The following EML6 variants were observed in gnomAD, a reference collection of about 807,000 sequenced individuals.
The protein encoded by EML6 is EMAP like 6.
In EML6, 154 loss-of-function variants were observed where a neutral mutation model predicts 240.1. The ratio of observed to expected loss-of-function variants is 0.64; its 90% confidence interval spans 0.56 to 0.73. The LOEUF is 0.73. EML6 is among the 30% of genes least tolerant of loss of function. The pLI is 0.00. For synonymous variants in EML6, 1,148 were observed against 899.0 expected, an observed-to-expected ratio of 1.28 and a Z score of -4.95; for missense variants, 2,964 against 2,474.6, an observed-to-expected ratio of 1.20 and a Z score of -4.20.
At position 54,928,514 on chromosome 2, in the gene EML6, G is replaced by A. The variant is rs1343629017; in HGVS notation, c.3877G>A (p.Gly1293Ser). The change falls in exon 27 of 42, where the codon GGC (glycine) becomes AGC (serine). Residue 1293 changes from glycine to serine, a missense_variant and splice_region_variant. Physicochemically the swap from Gly to Ser is moderately conservative, Grantham distance 56 (BLOSUM62 0). Transcript: ENST00000356458. The stretch of plus-strand genomic sequence containing the variant: ...AGACACCGACGTGGAAGAGGATGGA[G>A]GTGAGCCCCCCACCTGCCACATGCC... Reference protein sequence around the residue: ...ESDTDVEEDGGYDSDVAREKA... With the variant: ...ESDTDVEEDGSYDSDVAREKA... 1 of 1,544,636 alleles carries A rather than the reference G, an allele frequency of 6.5e-7. No individual in the cohort carries two copies. Among genetic ancestry groups the A allele is most frequent in the Non-Finnish European group, 8.8e-7 (1 of 1,142,490 alleles).
chr2:54,776,883 T>A (rs995373347), intron 2 of EML6, among the ~76,000 whole-genome samples: 1 of 152,220 alleles, frequency 6.6e-6, no homozygotes, highest in Non-Finnish European at 1.5e-5. Context: ...AGTTTATGGC[T>A]TAATGCATCT....
intron 2 of EML6, among the ~76,000 whole-genome samples, chr2:54,732,560 C>T (rs1022633198): frequency 6.6e-6 from 1 of 152,122 alleles, no homozygotes; most frequent in Non-Finnish European, 1.5e-5. Context: ...TACTTTTTCT[C>T]CATGAAATTA....
At chr2:54,824,756 G>C (rs1655528693) in intron 5 of EML6, among the ~76,000 whole-genome samples, 1 of 152,178 alleles carries the variant, frequency 6.6e-6, no homozygotes, top group South Asian at 2.1e-4. Flanking sequence ...GTCAGAGACA[G>C]AAGGGACTTC....
At chr2:54,875,867 A>G (rs540639920) in intron 16 of EML6, among the ~76,000 whole-genome samples, 3 of 152,354 alleles carry the variant, frequency 2.0e-5, no homozygotes, top group South Asian at 4.1e-4. Flanking sequence ...TTTCTAGCCT[A>G]AATATCAACC....
intron 36 of EML6, 138 bp from the exon 37 acceptor site, chr2:54,963,848 T>G: frequency 1.4e-6 from 1 of 719,682 alleles, no homozygotes; most frequent in Non-Finnish European, 2.2e-6. Flanking sequence ...CAGGGACATT[T>G]ACTCTAAGAA....
chr2:54,808,367 A>G (rs558549614), intron 2 of EML6, among the ~76,000 whole-genome samples: 2 of 152,134 alleles, frequency 1.3e-5, no homozygotes, highest in Non-Finnish European at 2.9e-5. Flanking sequence ...TCCCCCTTCA[A>G]TCCCCAAAGC....
At position 54,950,915 on chromosome 2, in the gene EML6, G is replaced by A. The variant is rs949085925; in HGVS notation, c.4213+136G>A. 10 of 950,968 alleles carry A rather than the reference G, an allele frequency of 1.1e-5. No homozygotes were observed. The South Asian group carries it at 1.7e-4, about 17-fold the overall frequency. 58.9% of individuals were successfully genotyped at this position (950,968 alleles called of 1,614,324 possible). ...TCCCCCCAATTCCAGCATGGTCTCA[G>A]TTAGGCCTGGTAACGCTCAGGTTCA... On this transcript the variant is annotated intron_variant, in intron 30 of 41. Coordinates refer to ENST00000356458, the MANE Select transcript of EML6 (RefSeq NM_001039753.4).
chr2:54,889,025 G>A (rs538054035), intron 17 of EML6, among the ~76,000 whole-genome samples: 3 of 152,248 alleles, frequency 2.0e-5, no homozygotes, highest in South Asian at 2.1e-4. Flanking sequence ...CCAGCATTTG[G>A]CATCAAACAC....
rs878914134 is a variant in EML6, at chr2:54,859,469, G to A, written c.1658-65G>A. The A allele has an allele frequency of 9.7e-6, 12 of 1,234,480 alleles. No homozygotes were observed. In the South Asian group the frequency reaches 1.4e-4, roughly 14 times the overall value. The allele number at this position is 1,234,480 out of a possible 1,614,324, so 76.5% of individuals were successfully genotyped here. A position where few individuals can be genotyped will look rare whatever the true frequency, so the allele number is the denominator to read the frequency against. ...TACTCTTCAACATGAACAGAAGGGG[G>A]GTTGTTTTAAACTAATGAACTCTTC... is the stretch of plus-strand genomic sequence containing the variant. On this transcript the variant is annotated intron_variant, in intron 11 of 41. Transcript: ENST00000356458.
At chr2:54,798,988 T>C (rs962685009) in intron 2 of EML6, among the ~76,000 whole-genome samples, 1 of 152,240 alleles carries the variant, frequency 6.6e-6, no homozygotes, top group African/African-American at 2.4e-5. Flanking sequence ...TGAATGGATG[T>C]TGGATTTTGT....
intron 16 of EML6, among the ~76,000 whole-genome samples, chr2:54,872,873 G>C (rs1322043417): frequency 6.6e-6 from 1 of 152,084 alleles, no homozygotes; most frequent in Non-Finnish European, 1.5e-5. Flanking sequence ...GCATCCCTTA[G>C]CCCTTTGTTG....
At chr2:54,968,070 T>G in intron 39 of EML6, 58 bp from the exon 40 acceptor site, 1 of 1,511,328 alleles carries the variant, frequency 6.6e-7, no homozygotes, top group South Asian at 1.2e-5. Flanking sequence ...GATGACTGAC[T>G]GCAAGGAGCC....
chr2:54,817,635 G>A (rs1194363757), intron 4 of EML6, among the ~76,000 whole-genome samples: 3 of 152,156 alleles, frequency 2.0e-5, no homozygotes, highest in African/African-American at 7.2e-5. Flanking sequence ...CAACACTAAT[G>A]ATAGCTGATG....
At chr2:54,901,445 C>G (rs1673051902) in intron 22 of EML6, among the ~76,000 whole-genome samples, 2 of 152,166 alleles carry the variant, frequency 1.3e-5, no homozygotes, top group Admixed American at 1.3e-4. Context: ...AGGCCAAGTC[C>G]TCACTGTGAA....
intron 26 of EML6, among the ~76,000 whole-genome samples, chr2:54,922,933 C>CTTTTTTT (rs36078208): frequency 1.4e-5 from 1 of 73,852 alleles, no homozygotes; most frequent in African/African-American, 5.9e-5. Context: ...AGGGTATAAA[C>CTTTTTTT]TTTTTTTTTT....
chr2:54,917,768 A>T lies in EML6; in HGVS notation c.3675+833A>T, dbSNP rs147410801. ...ATCACATTTGACTCCCCGAAGTCTC[A>T]TTTTTTTTTCCAGCCTAACCTTTCT... is the stretch of plus-strand genomic sequence containing the variant. On this transcript the variant is annotated intron_variant, in intron 26 of 41. Coordinates refer to ENST00000356458, the MANE Select transcript of EML6 (RefSeq NM_001039753.4). Among the ~76,000 whole-genome samples, 367 of 151,398 alleles carry T rather than the reference A, an allele frequency of 2.4e-3. 5 individuals are homozygous for T. Among genetic ancestry groups the T allele is most frequent in the East Asian group, 7.8e-3 (40 of 5,154 alleles).
intron 2 of EML6, among the ~76,000 whole-genome samples, chr2:54,735,823 T>C (rs781148553): frequency 1.5e-3 from 229 of 152,368 alleles, no homozygotes; most frequent in Middle Eastern, 0.014. Flanking sequence ...TCCAGATGTC[T>C]GCAGAGATTG....
At chr2:54,958,921 A>G (rs1403800853) in intron 33 of EML6, among the ~76,000 whole-genome samples, 183 bp from the exon 34 acceptor site, 1 of 151,700 alleles carries the variant, frequency 6.6e-6, no homozygotes, top group East Asian at 1.9e-4. Flanking sequence ...AAGCCAGGTG[A>G]CTGCCTTGTG....
At chr2:54,847,907 G>A (rs1669858513) in intron 9 of EML6, among the ~76,000 whole-genome samples, 1 of 152,160 alleles carries the variant, frequency 6.6e-6, no homozygotes, top group South Asian at 2.1e-4. Flanking sequence ...CATGTGACTT[G>A]CTGCAAAATT....
Sources: allele counts gnomAD v4.1 joint callset (sites outside exome capture counted in the v4.1 genomes callset), GRCh38; gene constraint gnomAD v4.1.1; transcripts MANE v1.5; gene names NCBI Gene and HGNC (gene_info 2026-07-23, HGNC 2026-07-21).